MDN1: variants seen among roughly 807,000 people sequenced by gnomAD.
The protein encoded by MDN1 is midasin AAA ATPase 1.
A neutral mutation model predicts 669.2 loss-of-function variants in MDN1; 266 were observed. The ratio of observed to expected loss-of-function variants is 0.40; its 90% confidence interval spans 0.36 to 0.44. MDN1 has a LOEUF of 0.44. Among genes scored for constraint, MDN1 ranks in the 20% least tolerant of loss-of-function variants. The pLI is 1.00. For missense variants in MDN1, 5,940 were observed against 6,754.0 expected (o/e 0.88, Z 4.22); for synonymous variants, 2,385 against 2,457.1 (o/e 0.97, Z 0.87).
At chr6:89,693,743 A>AT (rs754500195) in intron 62 of MDN1, among the ~76,000 whole-genome samples, 6 of 152,180 alleles carry the variant, frequency 3.9e-5, no homozygotes, top group Non-Finnish European at 5.9e-5. Context: ...TGGATAAGGG[A>AT]TCCCCAACCC....
intron 9 of MDN1, among the ~76,000 whole-genome samples, chr6:89,784,765 T>C (rs1265502712): frequency 6.6e-6 from 1 of 152,232 alleles, no homozygotes; most frequent in Non-Finnish European, 1.5e-5. Context: ...CATTTTATTG[T>C]GTATAATAAT....
At position 89,745,646 on chromosome 6, in the gene MDN1, A is replaced by G. The variant is rs1381987259; in HGVS notation, c.3905-20T>C. The G allele has an allele frequency of 9.9e-6, 16 of 1,609,368 alleles. No homozygotes were observed. The highest frequency in any genetic ancestry group is 1.3e-5 in the African/African-American group (1 of 74,748). ...TATAACCTGGGAGGAGGAGGAGGAA[A>G]AGGAGGAGAGGAATCATCAAGTGTC... is the stretch of plus-strand genomic sequence containing the variant. On this transcript the variant is annotated intron_variant, in intron 27 of 101. Coordinates refer to ENST00000369393, the MANE Select transcript of MDN1 (RefSeq NM_014611.3).
intron 2 of MDN1, among the ~76,000 whole-genome samples, 195 bp downstream of exon 2, chr6:89,803,133 G>A (rs1048198693): frequency 1.3e-5 from 2 of 152,174 alleles, no homozygotes; most frequent in Non-Finnish European, 2.9e-5. Flanking sequence ...AGATTTAAGA[G>A]AAACCTAGTA....
In MDN1 at chr6:89,781,390, G is replaced by C. The variant is rs543137254; in HGVS notation, c.1643+9C>G. On this transcript the variant is annotated intron_variant, in intron 10 of 101. Coordinates refer to ENST00000369393, the MANE Select transcript of MDN1 (RefSeq NM_014611.3). ...AAGAAAGAAAAGAAAAAACTGTTTAGTCCAGTACCTTAGAGATAATTCTCT... is the reference window on the plus strand; with the variant it reads ...AAGAAAGAAAAGAAAAAACTGTTTACTCCAGTACCTTAGAGATAATTCTCT... The C allele has an allele frequency of 6.2e-7, 1 of 1,610,730 alleles. No individual in the cohort carries two copies. The highest frequency in any genetic ancestry group is 2.2e-5 in the East Asian group (1 of 44,866).
intron 85 of MDN1, among the ~76,000 whole-genome samples, chr6:89,663,643 G>T (rs969413645): frequency 1.3e-5 from 2 of 151,956 alleles, no homozygotes; most frequent in Non-Finnish European, 2.9e-5. Flanking sequence ...GATGTTAAAT[G>T]AAAAAAGCAG....
At chr6:89,687,307 C>T (rs1812081384) in intron 68 of MDN1, 37 bp downstream of exon 68, 17 of 1,570,010 alleles carry the variant, frequency 1.1e-5, no homozygotes, top group Non-Finnish European at 1.4e-5. Flanking sequence ...AAAGCCCTTA[C>T]AACCTAAGTT....
chr6:89,735,048 G>A lies in MDN1; in HGVS notation c.4724-2273C>T, dbSNP rs569189943. Among the ~76,000 whole-genome samples, 61 of 151,992 alleles carry A rather than the reference G, an allele frequency of 4.0e-4. 1 individual carries two copies. The highest frequency in any genetic ancestry group is 3.1e-3 in the East Asian group (16 of 5,166). ...TGGGACTACAGGCGCCTGCCACAAC[G>A]CCCAGCTAATTTTTGTATTTTTAGT... On this transcript the variant is annotated intron_variant, in intron 33 of 101. Coordinates refer to ENST00000369393, the MANE Select transcript of MDN1 (RefSeq NM_014611.3).
chr6:89,668,553 A>G (rs1284581829), intron 83 of MDN1, among the ~76,000 whole-genome samples: 1 of 152,254 alleles, frequency 6.6e-6, no homozygotes, highest in Non-Finnish European at 1.5e-5. Context: ...AAACTATTTT[A>G]TACAGGAAAA....
rs147972146 is a variant in MDN1, at chr6:89,706,794, C to T, written c.8014+567G>A. 2.0e-3 allele frequency among the ~76,000 whole-genome samples: 301 copies of T among 152,104 alleles called. 1 individual carries two copies. Among genetic ancestry groups the T allele is most frequent in the African/African-American group, 6.2e-3 (258 of 41,506 alleles). On this transcript the variant is annotated intron_variant, in intron 52 of 101. Coordinates refer to ENST00000369393, the MANE Select transcript of MDN1 (RefSeq NM_014611.3). The stretch of plus-strand genomic sequence containing the variant: ...TTAAGTATAAAATGAAAACTAAGTA[C>T]ATATGTTTAGATAGATAGTTAATAC...
At position 89,790,153 on chromosome 6, in the gene MDN1, T is replaced by G. The variant is rs1819175614; in HGVS notation, c.1098+6A>C. On this transcript the variant is annotated splice_donor_region_variant and intron_variant, in intron 6 of 101. Transcript: ENST00000369393. The stretch of plus-strand genomic sequence containing the variant: ...AAGCCACCAAAACTTAACATTTCCT[T>G]ATTACCTTACTGTCAGTCTGATCTC... 1 of 1,613,828 alleles carries G rather than the reference T, an allele frequency of 6.2e-7. No homozygotes were observed.
chr6:89,700,376 T>A, intron 56 of MDN1, 82 bp from the exon 57 acceptor site: 1 of 1,111,682 alleles, frequency 9.0e-7, no homozygotes, highest in East Asian at 2.4e-5. Flanking sequence ...GCTATGTGAC[T>A]GCAAGCTTAA....
At chr6:89,789,263 C>T (rs1819129512) in intron 7 of MDN1, among the ~76,000 whole-genome samples, 1 of 152,210 alleles carries the variant, frequency 6.6e-6, no homozygotes, top group Admixed American at 6.5e-5. Flanking sequence ...TGGCTAATTT[C>T]TTACACACAG....
At chr6:89,693,628 G>A (rs368134814) in intron 62 of MDN1, among the ~76,000 whole-genome samples, 1 of 152,010 alleles carries the variant, frequency 6.6e-6, no homozygotes, top group African/African-American at 2.4e-5. Flanking sequence ...AAGTATTCTG[G>A]ATTCCAGATT....
Position 89,706,082 on chromosome 6 carries a change from C to A in MDN1, c.8125G>T (p.Val2709Leu), listed in dbSNP as rs375321409. Residue 2709 changes from valine to leucine, a missense_variant, in exon 53 of 102, where the codon GTG (valine) becomes TTG (leucine). By Grantham distance (32) the Val-to-Leu change is conservative. Transcript: ENST00000369393. ...ACCTCATTGGCACTGGCATCAGACA[C>A]CATTCCCTGGGAGGACTGTACCCAG... ...LLWVQSSQGM[V>L]SDASANEILG... 1.3e-4 allele frequency: 205 copies of A among 1,608,694 alleles called. No individual in the cohort carries two copies. Among genetic ancestry groups the A allele is most frequent in the Non-Finnish European group, 1.7e-4 (202 of 1,176,702 alleles).
At chr6:89,783,065 C>T (rs1818763953) in intron 9 of MDN1, among the ~76,000 whole-genome samples, 1 of 152,006 alleles carries the variant, frequency 6.6e-6, no homozygotes, top group Admixed American at 6.6e-5. Context: ...GAAATCAGTG[C>T]ACCTTGAAAA....
At chr6:89,818,516 A>C (rs998177137) in intron 1 of MDN1, among the ~76,000 whole-genome samples, 1 of 151,666 alleles carries the variant, frequency 6.6e-6, no homozygotes, top group African/African-American at 2.4e-5. Flanking sequence ...GGACCCAAGT[A>C]CCTGGGACCA....
intron 97 of MDN1, among the ~76,000 whole-genome samples, chr6:89,649,562 C>G (rs899328550): frequency 2.0e-5 from 3 of 152,142 alleles, no homozygotes; most frequent in Non-Finnish European, 4.4e-5. Context: ...ACTGATAGAA[C>G]AATAACTCTG....
At chr6:89,794,023 C>T (rs1370105091) in intron 4 of MDN1, 69 bp from the exon 5 acceptor site, 31 of 1,434,916 alleles carry the variant, frequency 2.2e-5, no homozygotes, top group Non-Finnish European at 1.1e-5. Flanking sequence ...CTGCAGTCAC[C>T]TCTGGCCTGT....
At chr6:89,778,817 T>C (rs1477756558) in intron 11 of MDN1, among the ~76,000 whole-genome samples, 5 of 150,604 alleles carry the variant, frequency 3.3e-5, no homozygotes, top group East Asian at 2.0e-4. Flanking sequence ...ACCTGGGAGG[T>C]GGAGCTTGCA....
Sources: allele counts gnomAD v4.1 joint callset (sites outside exome capture counted in the v4.1 genomes callset), GRCh38; gene constraint gnomAD v4.1.1; transcripts MANE v1.5; gene names NCBI Gene and HGNC (gene_info 2026-07-23, HGNC 2026-07-21).